The following ADGRL3 variants were observed in gnomAD, a reference collection of about 807,000 sequenced individuals.
ADGRL3 encodes the protein calcium-independent alpha-latrotoxin receptor 3.
In ADGRL3, 62 loss-of-function variants were observed where a neutral mutation model predicts 153.5. The observed-to-expected ratio is 0.40, with a 90% CI of 0.33 to 0.50. The LOEUF (loss-of-function observed/expected upper bound fraction) is 0.50, where lower values mean the gene tolerates loss of function less well. Among genes scored for constraint, ADGRL3 ranks in the 20% least tolerant of loss-of-function variants. The pLI, the probability that ADGRL3 is intolerant of heterozygous loss-of-function variation, is 0.47. For missense variants in ADGRL3, 1,641 were observed against 1,859.4 expected, an observed-to-expected ratio of 0.88 and a Z score of 2.16; for synonymous variants, 710 against 672.5, an observed-to-expected ratio of 1.06 and a Z score of -0.86.
chr4:61,581,992 G>A (rs1414756649), intron 4 of ADGRL3, among the ~76,000 whole-genome samples: 2 of 151,772 alleles, frequency 1.3e-5, no homozygotes, highest in Non-Finnish European at 2.9e-5. Context: ...TAGATTTCTT[G>A]TTGTTTTGCT....
chr4:61,704,250 T>G (rs778437098), intron 6 of ADGRL3, among the ~76,000 whole-genome samples: 1 of 152,152 alleles, frequency 6.6e-6, no homozygotes, highest in Non-Finnish European at 1.5e-5. Flanking sequence ...GAAGTGCCCT[T>G]CTGTGAGTAC....
At chr4:61,717,534 A>G (rs1201323532) in intron 6 of ADGRL3, among the ~76,000 whole-genome samples, 1 of 152,066 alleles carries the variant, frequency 6.6e-6, no homozygotes, top group Non-Finnish European at 1.5e-5. Context: ...CACTTGTTTT[A>G]TCTGTGAAAT....
intron 9 of ADGRL3, among the ~76,000 whole-genome samples, chr4:61,891,921 A>G (rs1018759687): frequency 2.6e-5 from 4 of 152,246 alleles, no homozygotes; most frequent in Non-Finnish European, 4.4e-5. Flanking sequence ...TTACCTAACA[A>G]AGAACCTAAC....
chr4:61,526,336 T>C (rs915597904), intron 4 of ADGRL3, among the ~76,000 whole-genome samples: 1 of 152,126 alleles, frequency 6.6e-6, no homozygotes, highest in Admixed American at 6.6e-5. Flanking sequence ...GACTTGTGAG[T>C]TTTATGTGAT....
intron 5 of ADGRL3, among the ~76,000 whole-genome samples, chr4:61,639,083 C>A (rs956371940): frequency 1.3e-5 from 2 of 151,980 alleles, no homozygotes; most frequent in Non-Finnish European, 2.9e-5. Context: ...GCCAGAAAAC[C>A]AAAGACAATA....
In ADGRL3 at chr4:62,072,592, C is replaced by T. The variant is rs527757655; in HGVS notation, c.*1684C>T. ...AAATCAATCTGCCTAGATGAATAAGCTAAGCACAAAATCATACAGGTTTGC... is the reference window on the plus strand; with the variant it reads ...AAATCAATCTGCCTAGATGAATAAGTTAAGCACAAAATCATACAGGTTTGC... On this transcript the variant is annotated 3_prime_UTR_variant, in exon 27 of 27. Transcript: ENST00000683033. The T allele has an allele frequency of 1.3e-5, 2 of 152,284 alleles. No individual in the cohort carries two copies. The highest frequency in any genetic ancestry group is 2.1e-4 in the South Asian group (1 of 4,820). The allele number at this position is 152,284 out of a possible 1,614,324, so 9.4% of individuals were successfully genotyped here. A position where few individuals can be genotyped will look rare whatever the true frequency, so the allele number is the denominator to read the frequency against.
At chr4:61,396,689 G>A (rs115933690) in intron 2 of ADGRL3, among the ~76,000 whole-genome samples, 11 of 151,852 alleles carry the variant, frequency 7.2e-5, no homozygotes, top group Non-Finnish European at 1.5e-4. Context: ...TCATCCAGGA[G>A]GGAAATCTTT....
At chr4:61,979,861 T>A in intron 18 of ADGRL3, 89 bp downstream of exon 18, 1 of 1,113,698 alleles carries the variant, frequency 9.0e-7, no homozygotes. Flanking sequence ...TGTTTGAAAG[T>A]ATCATTTCTT....
chr4:61,847,565 G>C (rs1485869447), intron 9 of ADGRL3, among the ~76,000 whole-genome samples: 3 of 117,206 alleles, frequency 2.6e-5, no homozygotes, highest in African/African-American at 9.9e-5. Context: ...AGAAATTATA[G>C]TACATTAAGT....
At chr4:61,876,290 T>A (rs1239558837) in intron 9 of ADGRL3, among the ~76,000 whole-genome samples, 1 of 151,564 alleles carries the variant, frequency 6.6e-6, no homozygotes, top group African/African-American at 2.4e-5. Context: ...CCAATTTTGT[T>A]TTTTTTTTTA....
intron 1 of ADGRL3, among the ~76,000 whole-genome samples, chr4:61,331,740 A>G (rs2095577255): frequency 6.6e-6 from 1 of 152,122 alleles, no homozygotes; most frequent in African/African-American, 2.4e-5. Context: ...GCTGTCAATA[A>G]TAGTTTTAGT....
At chr4:61,664,790 A>G (rs1052337507) in intron 5 of ADGRL3, among the ~76,000 whole-genome samples, 25 of 152,186 alleles carry the variant, frequency 1.6e-4, no homozygotes, top group African/African-American at 5.5e-4. Context: ...TATCTTAAAT[A>G]TGAAGTACTT....
intron 5 of ADGRL3, among the ~76,000 whole-genome samples, chr4:61,620,233 TA>T (rs2092404207): frequency 6.6e-6 from 1 of 152,128 alleles, no homozygotes; most frequent in Admixed American, 6.6e-5. Flanking sequence ...AAGAGATTTT[TA>T]AGACATACAT....
chr4:61,206,955 C>T (rs915894030), intron 1 of ADGRL3, among the ~76,000 whole-genome samples: 66 of 151,738 alleles, frequency 4.3e-4, no homozygotes, highest in African/African-American at 1.5e-3. Flanking sequence ...TGCACTCCAG[C>T]CTGGTCCACA....
intron 9 of ADGRL3, among the ~76,000 whole-genome samples, chr4:61,875,093 C>T (rs1478408934): frequency 6.6e-6 from 1 of 151,676 alleles, no homozygotes; most frequent in Non-Finnish European, 1.5e-5. Context: ...CAGGCGTGAG[C>T]CACCGCGCCC....
At chr4:61,672,259 C>A (rs2150812536) in intron 5 of ADGRL3, among the ~76,000 whole-genome samples, 1 of 152,160 alleles carries the variant, frequency 6.6e-6, no homozygotes, top group East Asian at 1.9e-4. Context: ...CCATTTCTTT[C>A]TTCTTCATGT....
chr4:61,838,100 C>G (rs1272931746), intron 9 of ADGRL3, among the ~76,000 whole-genome samples: 3 of 152,040 alleles, frequency 2.0e-5, no homozygotes, highest in East Asian at 1.9e-4. Context: ...ACTCTCTTTA[C>G]CATGAATCAC....
chr4:61,512,382 T>C (rs997982495), intron 3 of ADGRL3, among the ~76,000 whole-genome samples: 1 of 152,122 alleles, frequency 6.6e-6, no homozygotes, highest in African/African-American at 2.4e-5. Context: ...AAGTGACTTT[T>C]GAGGAGAAAC....
chr4:61,277,465 A>C (rs1578088297), intron 1 of ADGRL3, among the ~76,000 whole-genome samples: 1 of 152,100 alleles, frequency 6.6e-6, no homozygotes, highest in Non-Finnish European at 1.5e-5. Context: ...TAATTTATTT[A>C]TGTCATATTT....
Sources: allele counts gnomAD v4.1 joint callset (sites outside exome capture counted in the v4.1 genomes callset), GRCh38; gene constraint gnomAD v4.1.1; transcripts MANE v1.5; gene names NCBI Gene and HGNC (gene_info 2026-07-23, HGNC 2026-07-21).